Variants in RNF13 observed in about 807,000 individuals in gnomAD.
RNF13 encodes the protein ring finger protein 13.
A neutral mutation model predicts 37.7 loss-of-function variants in RNF13; 19 were observed. That is an observed-to-expected ratio of 0.50 (90% CI 0.35 to 0.74). RNF13 has a LOEUF of 0.74. RNF13 is among the 30% of genes least tolerant of loss of function. RNF13 has a pLI of 0.01. For missense variants in RNF13, 375 were observed against 453.0 expected, an observed-to-expected ratio of 0.83 and a Z score of 1.56; for synonymous variants, 144 against 157.8, an observed-to-expected ratio of 0.91 and a Z score of 0.65.
intron 4 of RNF13, among the ~76,000 whole-genome samples, chr3:149,878,351 C>G (rs1712991720): frequency 6.6e-6 from 1 of 152,122 alleles, no homozygotes; most frequent in Non-Finnish European, 1.5e-5. Context: ...GTTTTTATCA[C>G]TGAACTATAA....
intron 3 of RNF13, among the ~76,000 whole-genome samples, chr3:149,855,108 C>T (rs1723516818): frequency 6.6e-6 from 1 of 151,990 alleles, no homozygotes; most frequent in East Asian, 1.9e-4. Context: ...TAGATCACTT[C>T]AGGTCAAGAG....
At chr3:149,920,790 C>CTTTTTTTT (rs34551883) in intron 7 of RNF13, among the ~76,000 whole-genome samples, 1 of 124,030 alleles carries the variant, frequency 8.1e-6, no homozygotes, top group Non-Finnish European at 1.7e-5. Flanking sequence ...CCTTCCCATT[C>CTTTTTTTT]TTTTTTTTTT....
At chr3:149,887,775 T>C (rs1436742849) in intron 4 of RNF13, among the ~76,000 whole-genome samples, 1 of 152,194 alleles carries the variant, frequency 6.6e-6, no homozygotes, top group African/African-American at 2.4e-5. Flanking sequence ...TTCAGTACAA[T>C]GTTGAATAGA....
intron 4 of RNF13, among the ~76,000 whole-genome samples, chr3:149,886,581 A>G (rs1436690109): frequency 6.6e-6 from 1 of 152,136 alleles, no homozygotes; most frequent in Non-Finnish European, 1.5e-5. Context: ...TCCAATCTGG[A>G]AGCATTTTAT....
intron 4 of RNF13, among the ~76,000 whole-genome samples, chr3:149,891,562 TGTA>T (rs1714698799): frequency 1.3e-5 from 2 of 152,244 alleles, no homozygotes; most frequent in Admixed American, 6.5e-5. Flanking sequence ...ACCTGGTCTA[TGTA>T]ATTTAGTTGC....
At chr3:149,833,595 CTG>C (rs1490994578) in intron 1 of RNF13, among the ~76,000 whole-genome samples, 1 of 152,120 alleles carries the variant, frequency 6.6e-6, no homozygotes, top group African/African-American at 2.4e-5. Context: ...ACCCAACAAA[CTG>C]AAAATAGAAG....
intron 7 of RNF13, among the ~76,000 whole-genome samples, chr3:149,917,628 C>T (rs976763740): frequency 6.6e-6 from 1 of 152,178 alleles, no homozygotes; most frequent in Non-Finnish European, 1.5e-5. Context: ...TACTTCAGTA[C>T]AGTTTTACAT....
chr3:149,829,414 T>G (rs560460859), intron 1 of RNF13, among the ~76,000 whole-genome samples: 1 of 152,336 alleles, frequency 6.6e-6, no homozygotes, highest in Non-Finnish European at 1.5e-5. Flanking sequence ...AAACCTGTTT[T>G]TTCTTAATCT....
At chr3:149,874,827 G>A (rs192486807) in intron 4 of RNF13, among the ~76,000 whole-genome samples, 72 of 152,208 alleles carry the variant, frequency 4.7e-4, no homozygotes, top group African/African-American at 1.7e-3. Flanking sequence ...GAAAACAACT[G>A]GAATCGCACC....
At chr3:149,947,933 C>CT (rs1720934075) in intron 8 of RNF13, among the ~76,000 whole-genome samples, 1 of 152,040 alleles carries the variant, frequency 6.6e-6, no homozygotes, top group Non-Finnish European at 1.5e-5. Flanking sequence ...CACCTTTTCA[C>CT]TTTTAGCCTA....
chr3:149,892,025 T>C (rs1350042747), intron 4 of RNF13, among the ~76,000 whole-genome samples: 1 of 152,226 alleles, frequency 6.6e-6, no homozygotes, highest in Non-Finnish European at 1.5e-5. Flanking sequence ...TTTAATTTCA[T>C]TTCTTTATTT....
intron 1 of RNF13, among the ~76,000 whole-genome samples, chr3:149,829,391 C>T (rs942599062): frequency 7.2e-5 from 11 of 152,112 alleles, no homozygotes; most frequent in Admixed American, 2.6e-4. Context: ...TGAGCCACTG[C>T]GCCCGGCCAG....
intron 3 of RNF13, among the ~76,000 whole-genome samples, chr3:149,866,378 G>T (rs1559916455): frequency 6.6e-6 from 1 of 152,206 alleles, no homozygotes; most frequent in Non-Finnish European, 1.5e-5. Flanking sequence ...ACTTCCTGAA[G>T]TTGCCGTGGC....
intron 8 of RNF13, chr3:149,939,713 A>C (rs1227956177): frequency 1.2e-6 from 1 of 804,598 alleles, no homozygotes; most frequent in Non-Finnish European, 2.0e-6. Flanking sequence ...TTAAAGTGAT[A>C]ATCTTTGTCG....
intron 6 of RNF13, among the ~76,000 whole-genome samples, chr3:149,905,140 G>C (rs947826813): frequency 1.3e-5 from 2 of 152,158 alleles, no homozygotes; most frequent in Non-Finnish European, 2.9e-5. Context: ...TGCTAGTTCA[G>C]AGTTTTAATG....
chr3:149,931,446 T>C (rs1719153168), intron 8 of RNF13, among the ~76,000 whole-genome samples: 1 of 152,226 alleles, frequency 6.6e-6, no homozygotes. Context: ...GCTCTGTTTC[T>C]AGTTTCCTAA....
At chr3:149,939,650 C>T (rs967480618) in intron 8 of RNF13, 3 of 668,704 alleles carry the variant, frequency 4.5e-6, no homozygotes, top group Non-Finnish European at 8.3e-6. Context: ...GCTCCAGTCC[C>T]TGAAATCACC....
intron 1 of RNF13, 143 bp downstream of exon 1, chr3:149,813,496 C>T (rs1319829972): frequency 6.6e-6 from 1 of 152,302 alleles, no homozygotes; most frequent in East Asian, 1.9e-4. Flanking sequence ...GGTGAGAAGT[C>T]AATTAGGCTT....
At chr3:149,865,944 G>A (rs1724769312) in intron 3 of RNF13, among the ~76,000 whole-genome samples, 1 of 152,120 alleles carries the variant, frequency 6.6e-6, no homozygotes, top group Non-Finnish European at 1.5e-5. Flanking sequence ...ATAAAAAAAT[G>A]GCTACCCCGT....
Sources: allele counts gnomAD v4.1 joint callset (sites outside exome capture counted in the v4.1 genomes callset), GRCh38; gene constraint gnomAD v4.1.1; transcripts MANE v1.5; gene names NCBI Gene and HGNC (gene_info 2026-07-23, HGNC 2026-07-21).